The following ANGPT1 variants were observed in gnomAD, a reference collection of about 807,000 sequenced individuals.
ANGPT1 encodes the protein angiopoietin-1.
In ANGPT1, 17 loss-of-function variants were observed where a neutral mutation model predicts 62.2. The ratio of observed to expected loss-of-function variants is 0.27; its 90% CI spans 0.19 to 0.41. The LOEUF (loss-of-function observed/expected upper bound fraction) is 0.41, where lower values mean the gene tolerates loss of function less well. Ranked by LOEUF, ANGPT1 falls within the 10% of genes least tolerant of loss-of-function variation. ANGPT1 has a pLI of 1.00. For missense variants in ANGPT1, 478 were observed against 594.9 expected (o/e 0.80, Z 2.04); for synonymous variants, 199 against 198.9 (o/e 1.00, Z 0.00).
intron 1 of ANGPT1, among the ~76,000 whole-genome samples, chr8:107,369,737 G>A (rs552243412): frequency 6.7e-6 from 1 of 148,488 alleles, no homozygotes; most frequent in Admixed American, 6.7e-5. Context: ...ATGAGGAAAT[G>A]GCCCATGAGT....
At chr8:107,353,627 G>A (rs1044808030) in intron 1 of ANGPT1, among the ~76,000 whole-genome samples, 1 of 151,988 alleles carries the variant, frequency 6.6e-6, no homozygotes, top group African/African-American at 2.4e-5. Flanking sequence ...TTCTTCAGAT[G>A]CATCACCTCA....
At chr8:107,297,577 T>C (rs1814446535) in intron 5 of ANGPT1, among the ~76,000 whole-genome samples, 1 of 149,076 alleles carries the variant, frequency 6.7e-6, no homozygotes, top group African/African-American at 2.4e-5. Context: ...ACTATAGTTA[T>C]ATAACATTGC....
At chr8:107,408,287 A>G (rs1019442656) in intron 1 of ANGPT1, among the ~76,000 whole-genome samples, 5 of 152,158 alleles carry the variant, frequency 3.3e-5, no homozygotes, top group African/African-American at 1.2e-4. Context: ...GATATTTTGT[A>G]AATGTCATTT....
intron 1 of ANGPT1, among the ~76,000 whole-genome samples, chr8:107,462,487 C>T (rs1045800591): frequency 1.3e-5 from 2 of 151,576 alleles, no homozygotes; most frequent in Admixed American, 1.3e-4. Context: ...CATTTAAAAT[C>T]CAGGGGTTGA....
chr8:107,358,542 T>C (rs1386549266), intron 1 of ANGPT1, among the ~76,000 whole-genome samples: 1 of 152,138 alleles, frequency 6.6e-6, no homozygotes, highest in East Asian at 1.9e-4. Flanking sequence ...GAATTAACCA[T>C]ACACCACAAG....
At chr8:107,459,202 A>G (rs1186500103) in intron 1 of ANGPT1, among the ~76,000 whole-genome samples, 1 of 152,138 alleles carries the variant, frequency 6.6e-6, no homozygotes, top group Non-Finnish European at 1.5e-5. Flanking sequence ...AACTCCATGG[A>G]GCTTTTAAAA....
At chr8:107,477,454 A>C in intron 1 of ANGPT1, among the ~76,000 whole-genome samples, 1 of 152,176 alleles carries the variant, frequency 6.6e-6, no homozygotes, top group East Asian at 1.9e-4. Context: ...TAGATTTAAG[A>C]GTTTGAACTT....
At chr8:107,416,989 C>T (rs1421046998) in intron 1 of ANGPT1, among the ~76,000 whole-genome samples, 2 of 152,008 alleles carry the variant, frequency 1.3e-5, no homozygotes, top group East Asian at 1.9e-4. Flanking sequence ...CAGGGTTTCA[C>T]CATGTTGGCC....
chr8:107,495,804 T>C (rs1355894574), intron 1 of ANGPT1, among the ~76,000 whole-genome samples: 1 of 152,176 alleles, frequency 6.6e-6, no homozygotes, highest in Non-Finnish European at 1.5e-5. Flanking sequence ...AAGTAATGCA[T>C]AAAATTTCAG....
chr8:107,305,817 T>C (rs1814701534), intron 4 of ANGPT1, among the ~76,000 whole-genome samples: 1 of 152,058 alleles, frequency 6.6e-6, no homozygotes, highest in South Asian at 2.1e-4. Context: ...TGTTTTTAAT[T>C]ACTTACCAAC....
At chr8:107,368,122 TAA>T (rs1472116125) in intron 1 of ANGPT1, among the ~76,000 whole-genome samples, 1 of 152,234 alleles carries the variant, frequency 6.6e-6, no homozygotes, top group Non-Finnish European at 1.5e-5. Context: ...TGTATTTCTT[TAA>T]TAAGACCAGT....
intron 1 of ANGPT1, among the ~76,000 whole-genome samples, chr8:107,464,560 G>A (rs1008952015): frequency 1.3e-5 from 2 of 151,962 alleles, no homozygotes; most frequent in Admixed American, 6.6e-5. Flanking sequence ...TTCTAGGAGC[G>A]GATCTAGAAA....
chr8:107,256,084 A>T (rs1354730624), intron 8 of ANGPT1, among the ~76,000 whole-genome samples: 3 of 152,182 alleles, frequency 2.0e-5, no homozygotes, highest in Non-Finnish European at 2.9e-5. Context: ...GGAGTTTGAA[A>T]TGTTCAATTA....
At position 107,347,036 on chromosome 8, in the gene ANGPT1, A is replaced by G; in HGVS notation, c.359T>C (p.Val120Ala). 2 of 1,613,864 alleles carry G rather than the reference A, an allele frequency of 1.2e-6. No homozygotes were observed. The highest frequency in any genetic ancestry group is 1.7e-6 in the Non-Finnish European group (2 of 1,179,872). The change falls in exon 2 of 9, where the codon GTT (valine) becomes GCT (alanine). Residue 120 changes from valine (V) to alanine (A), a missense_variant. Around this residue, in one of 4 missense-constraint regions of ANGPT1, gnomAD observed 343 missense variants for 355.4 expected, o/e 0.97. Transcript: ENST00000517746. ...SEMAQIQQNA[V>A]QNHTATMLEI... ...CAGCATGGTAGCCGTGTGGTTCTGA[A>G]CTGCATTCTGCTGTATCTGGGCCAT...
At position 107,284,864 on chromosome 8, in the gene ANGPT1, G is replaced by A. The variant is rs1814102065; in HGVS notation, c.1039-16C>T. 2.5e-5 allele frequency: 38 copies of A among 1,548,064 alleles called. No homozygotes were observed. The highest frequency in any genetic ancestry group is 3.3e-5 in the Non-Finnish European group (38 of 1,140,742). On this transcript the variant is annotated splice_polypyrimidine_tract_variant and intron_variant, in intron 6 of 8. Coordinates refer to ENST00000517746, the MANE Select transcript of ANGPT1 (RefSeq NM_001146.5). ...TTCCAAAACCCTGGGAAACAATATAGAGATGCAGTTGTTACTTTAGAGAGG... is the reference window on the plus strand; with the variant it reads ...TTCCAAAACCCTGGGAAACAATATAAAGATGCAGTTGTTACTTTAGAGAGG...
At chr8:107,316,545 A>G (rs1815018894) in intron 4 of ANGPT1, among the ~76,000 whole-genome samples, 1 of 152,228 alleles carries the variant, frequency 6.6e-6, no homozygotes, top group Non-Finnish European at 1.5e-5. Flanking sequence ...AAAAGCACCC[A>G]TCTGGTCCCC....
chr8:107,411,889 T>C (rs941695396), intron 1 of ANGPT1, among the ~76,000 whole-genome samples: 1 of 152,300 alleles, frequency 6.6e-6, no homozygotes, highest in African/African-American at 2.4e-5. Flanking sequence ...AGCTAGTTTT[T>C]CTGTGGTTGT....
At chr8:107,396,704 G>A (rs1168866298) in intron 1 of ANGPT1, among the ~76,000 whole-genome samples, 1 of 151,548 alleles carries the variant, frequency 6.6e-6, no homozygotes, top group Non-Finnish European at 1.5e-5. Context: ...TGTACGTTTT[G>A]TAAAGACAGG....
intron 7 of ANGPT1, among the ~76,000 whole-genome samples, chr8:107,277,878 T>G (rs1813902406): frequency 6.6e-6 from 1 of 152,140 alleles, no homozygotes; most frequent in Non-Finnish European, 1.5e-5. Flanking sequence ...GAGACATGAC[T>G]GCAAATGCAA....
Sources: allele counts gnomAD v4.1 joint callset (sites outside exome capture counted in the v4.1 genomes callset), GRCh38; gene constraint gnomAD v4.1.1; regional missense constraint gnomAD v4.1.1; transcripts MANE v1.5; gene names NCBI Gene and HGNC (gene_info 2026-07-23, HGNC 2026-07-21).